NUP210L: variants seen among roughly 807,000 people sequenced by gnomAD.
The protein encoded by NUP210L is nuclear pore membrane glycoprotein 210-like.
In NUP210L, 74 loss-of-function variants were observed where a neutral mutation model predicts 208.5. The observed-to-expected ratio is 0.35, with a 90% CI of 0.29 to 0.43. The LOEUF (loss-of-function observed/expected upper bound fraction) is 0.43, where lower values mean the gene tolerates loss of function less well. Among genes scored for constraint, NUP210L ranks in the 20% least tolerant of loss-of-function variants. NUP210L has a pLI of 1.00. For synonymous variants in NUP210L, 780 were observed against 816.9 expected, an observed-to-expected ratio of 0.95 and a Z score of 0.77; for missense variants, 1,843 against 2,289.4, an observed-to-expected ratio of 0.81 and a Z score of 3.98.
chr1:153,993,061 T>C (rs1571139032), exon 39 of NUP210L: 1 of 1,613,682 alleles, frequency 6.2e-7, no homozygotes, highest in Non-Finnish European at 8.5e-7. Flanking sequence ...CTGGAACTGT[T>C]TGTATCTTGT....
chr1:154,081,581 C>G lies in NUP210L; in HGVS notation c.2361+7840G>C, dbSNP rs78020042. Reference sequence around the variant, plus strand: ...GGTTTTGGGTCAGGTGATAGCAGCCCCACCTCCAGGGAAAAGAGGAGGGCT... The same window carrying G: ...GGTTTTGGGTCAGGTGATAGCAGCCGCACCTCCAGGGAAAAGAGGAGGGCT... On this transcript the variant is annotated intron_variant, in intron 16 of 39. Coordinates refer to ENST00000368559, the Ensembl canonical transcript of NUP210L. Among the ~76,000 whole-genome samples the G allele has an allele frequency of 4.6e-4, 70 of 152,236 alleles. 1 individual carries two copies. The East Asian group carries it at 0.011, about 24-fold the overall frequency.
chr1:154,095,792 C>A (rs1656149895), intron 14 of NUP210L, among the ~76,000 whole-genome samples: 1 of 152,108 alleles, frequency 6.6e-6, no homozygotes, highest in Non-Finnish European at 1.5e-5. Context: ...TCTCCAAGAA[C>A]TTTATAAGCT....
At chr1:154,054,898 C>T (rs867709131) in intron 23 of NUP210L, 66 bp from the exon 24 acceptor site, 4 of 1,149,952 alleles carry the variant, frequency 3.5e-6, no homozygotes, top group Middle Eastern at 3.9e-4. Flanking sequence ...ATATCATGGT[C>T]ATTTAAATTT....
chr1:154,035,812 C>T (rs1000127958), intron 27 of NUP210L, among the ~76,000 whole-genome samples: 1 of 151,972 alleles, frequency 6.6e-6, no homozygotes, highest in African/African-American at 2.4e-5. Flanking sequence ...CGGCTCATTG[C>T]AACCTCCGCC....
chr1:154,100,404 T>C (rs1656399517), intron 13 of NUP210L, among the ~76,000 whole-genome samples: 1 of 148,800 alleles, frequency 6.7e-6, no homozygotes, highest in African/African-American at 2.5e-5. Flanking sequence ...TGAGTCATGA[T>C]TGCACCACTA....
exon 5 of NUP210L, chr1:154,139,812 G>C (rs1393251353): frequency 1.2e-6 from 2 of 1,611,958 alleles, no homozygotes; most frequent in Non-Finnish European, 1.7e-6. Flanking sequence ...CTTATAGAAT[G>C]GTTCATGAAT....
At chr1:154,027,244 T>C (rs1651946759) in intron 29 of NUP210L, among the ~76,000 whole-genome samples, 1 of 152,142 alleles carries the variant, frequency 6.6e-6, no homozygotes. Flanking sequence ...GAGTGACTGC[T>C]TCACAGGTAT....
At chr1:154,039,544 C>G (rs1309783407) in intron 27 of NUP210L, among the ~76,000 whole-genome samples, 1 of 152,080 alleles carries the variant, frequency 6.6e-6, no homozygotes, top group Non-Finnish European at 1.5e-5. Flanking sequence ...CCTGGAAACT[C>G]TTTATTTCTC....
At position 154,139,958 on chromosome 1, in the gene NUP210L, G is replaced by C; in HGVS notation, c.567-6C>G. On this transcript the variant is annotated splice_polypyrimidine_tract_variant and splice_region_variant and intron_variant, in intron 4 of 39. Transcript: ENST00000368559. The stretch of plus-strand genomic sequence containing the variant: ...CTTCGGAGTATTTAAGAATCCTAAA[G>C]ACATAAAATAAAATGTGTTTCTAGC... The C allele has an allele frequency of 6.3e-7, 1 of 1,597,440 alleles. No homozygotes were observed. Among genetic ancestry groups the C allele is most frequent in the Non-Finnish European group, 8.5e-7 (1 of 1,169,704 alleles).
chr1:154,024,714 A>G (rs971985075), intron 30 of NUP210L, among the ~76,000 whole-genome samples: 5 of 130,148 alleles, frequency 3.8e-5, no homozygotes, highest in Admixed American at 3.3e-4. Context: ...CATTTTTTGT[A>G]GAGATAGGGG....
At chr1:154,060,957 G>A (rs1242937626) in exon 19 of NUP210L, 2 of 1,609,240 alleles carry the variant, frequency 1.2e-6, no homozygotes, top group Non-Finnish European at 1.7e-6. Context: ...CATCAGGGTG[G>A]TTATAGATGG....
intron 12 of NUP210L, among the ~76,000 whole-genome samples, chr1:154,111,005 T>A (rs563041867): frequency 6.6e-6 from 1 of 151,238 alleles, no homozygotes; most frequent in South Asian, 2.1e-4. Flanking sequence ...AATGAAGAGT[T>A]GGTTTTTTGA....
At chr1:154,129,483 C>A in intron 7 of NUP210L, 138 bp from the exon 8 acceptor site, 2 of 626,414 alleles carry the variant, frequency 3.2e-6, no homozygotes, top group South Asian at 4.2e-5. Context: ...CTTTGGAAAG[C>A]CAAAACTTAA....
At chr1:154,122,939 T>C (rs1657688958) in intron 10 of NUP210L, among the ~76,000 whole-genome samples, 1 of 151,114 alleles carries the variant, frequency 6.6e-6, no homozygotes, top group Non-Finnish European at 1.5e-5. Context: ...TAGTCCCAGC[T>C]ACTCAGGAGG....
intron 25 of NUP210L, among the ~76,000 whole-genome samples, chr1:154,051,871 G>A (rs1653520361): frequency 6.6e-6 from 1 of 152,174 alleles, no homozygotes; most frequent in Non-Finnish European, 1.5e-5. Flanking sequence ...AACAGATAAT[G>A]CCCCAGGCTA....
At chr1:154,006,703 C>T (rs984011517) in intron 35 of NUP210L, among the ~76,000 whole-genome samples, 5 of 150,312 alleles carry the variant, frequency 3.3e-5, no homozygotes, top group Non-Finnish European at 4.4e-5. Context: ...CCATGTTGGC[C>T]AGGCTGGTCT....
At chr1:154,061,080 T>C (rs376868800) in intron 18 of NUP210L, 34 bp from the exon 19 acceptor site, 34 of 1,473,694 alleles carry the variant, frequency 2.3e-5, no homozygotes, top group Non-Finnish European at 2.9e-5. Context: ...AAAGTGAATA[T>C]AAACATCTAA....
intron 30 of NUP210L, among the ~76,000 whole-genome samples, chr1:154,024,856 C>T (rs1651765203): frequency 1.3e-5 from 2 of 149,982 alleles, no homozygotes; most frequent in South Asian, 4.2e-4. Flanking sequence ...TCATTCTACA[C>T]TCCTCCGATA....
intron 2 of NUP210L, among the ~76,000 whole-genome samples, chr1:154,144,627 T>C (rs1659029644): frequency 6.6e-6 from 1 of 152,246 alleles, no homozygotes; most frequent in Admixed American, 6.5e-5. Context: ...CTACCACATT[T>C]GCCATGTATT....
Sources: gnomAD v4.1 joint callset for allele counts (sites outside exome capture counted in the v4.1 genomes callset) on GRCh38, gnomAD v4.1.1 for gene constraint, MANE v1.5 for transcripts, NCBI Gene and HGNC (gene_info 2026-07-23, HGNC 2026-07-21) for gene names.